Variants in RGPD1 observed in about 807,000 individuals in gnomAD.
RGPD1 encodes RANBP2-like and GRIP domain-containing protein 1.
Under a neutral mutation model 40.6 loss-of-function variants are expected in RGPD1, and 7 were observed. That is an observed-to-expected ratio of 0.17 (90% CI 0.10 to 0.32). The LOEUF is 0.32. RGPD1 is among the 10% of genes least tolerant of loss of function. The pLI is 1.00. For missense variants in RGPD1, 50 were observed against 472.5 expected (o/e 0.11, Z 8.29); for synonymous variants, 24 against 167.0 (o/e 0.14, Z 6.60).
At chr2:86,930,037 G>T (rs1286041705) in intron 1 of RGPD1, among the ~76,000 whole-genome samples, 2 of 143,842 alleles carry the variant, frequency 1.4e-5, no homozygotes, top group African/African-American at 5.0e-5. Flanking sequence ...TGGCAGGGTG[G>T]CACTAACCCT....
At chr2:86,939,687 G>A (rs1297549738), upstream of RGPD1, among the ~76,000 whole-genome samples, 1 of 129,154 alleles carries the variant, frequency 7.7e-6, no homozygotes, top group African/African-American at 3.0e-5. Context: ...TACTAGGTGA[G>A]TGTGTTTGGG....
At chr2:86,936,835 C>T (rs1018358655) in intron 1 of RGPD1, among the ~76,000 whole-genome samples, 1 of 144,244 alleles carries the variant, frequency 6.9e-6, no homozygotes, top group Non-Finnish European at 1.5e-5. Context: ...TCGAAATTCT[C>T]CATTTTATTT....
At position 86,942,302 on chromosome 2, in the gene RGPD1, T is replaced by G; in HGVS notation, c.66T>G (p.Pro22=). 2 of 1,585,632 alleles carry G rather than the reference T, an allele frequency of 1.3e-6. No homozygotes were observed. The highest frequency in any genetic ancestry group is 2.3e-5 in the South Asian group (2 of 87,916). Residue 22 remains proline (P), a synonymous_variant, in exon 1 of 23, where the codon CCT becomes CCG. Coordinates refer to ENST00000641458, the MANE Select transcript of RGPD1 (RefSeq NM_001382344.1). ...VASVQGSAPS[P]GKKLRGFYFA... ...CGGTGCAGGGCTCCGCCCCGTCGCC[T>G]GGAAAGGTGAGTGGATCTCGAAGAG...
chr2:86,936,857 A>AT lies in RGPD1; in HGVS notation c.73-14433dup, dbSNP rs973944042. 1.9e-4 allele frequency among the ~76,000 whole-genome samples: 28 copies of AT among 143,880 alleles called. 1 individual carries two copies. The highest frequency in any genetic ancestry group is 6.6e-4 in the African/African-American group (25 of 37,716). 94.4% of individuals were successfully genotyped at this position (143,880 alleles called of 152,430 possible). A position where few individuals can be genotyped will look rare whatever the true frequency, so the allele number is the denominator to read the frequency against. On this transcript the variant is annotated intron_variant, in intron 1 of 22. Transcript: ENST00000398193. Reference sequence around the variant, plus strand: ...TCTCCATTTTATTTTATTTTATTTTATTTTTTCTGCTTTTGTCACAAAAGC... The same window carrying AT: ...TCTCCATTTTATTTTATTTTATTTTATTTTTTTCTGCTTTTGTCACAAAAGC...
chr2:86,988,468 CAAAA>C (rs1208500939), intron 20 of RGPD1, among the ~76,000 whole-genome samples: 1 of 61,376 alleles, frequency 1.6e-5, no homozygotes, highest in Non-Finnish European at 3.5e-5. Context: ...AACAAAAAAA[CAAAA>C]AAAACCATGA....
intron 1 of RGPD1, among the ~76,000 whole-genome samples, chr2:86,945,645 C>A (rs981721449): frequency 6.6e-6 from 1 of 152,088 alleles, no homozygotes; most frequent in South Asian, 2.1e-4. Flanking sequence ...AAATATTCTT[C>A]GTCTGTAATC....
At chr2:86,923,182 G>A (rs1678159765) in intron 1 of RGPD1, among the ~76,000 whole-genome samples, 1 of 149,024 alleles carries the variant, frequency 6.7e-6, no homozygotes, top group Admixed American at 6.7e-5. Flanking sequence ...GGGATTACAG[G>A]CGCCCGCCAC....
At chr2:86,938,644 T>G (rs1251705750), upstream of RGPD1, among the ~76,000 whole-genome samples, 2 of 151,900 alleles carry the variant, frequency 1.3e-5, no homozygotes, top group African/African-American at 4.8e-5. Flanking sequence ...CCTTCATTAT[T>G]TTGTCATGCT....
At chr2:86,998,551 A>C (rs1292703403) in intron 22 of RGPD1, among the ~76,000 whole-genome samples, 3 of 98,590 alleles carry the variant, frequency 3.0e-5, no homozygotes, top group African/African-American at 7.9e-5. Flanking sequence ...AAAAAAAAAA[A>C]AAAAAAAAAA....
upstream of RGPD1, among the ~76,000 whole-genome samples, chr2:86,940,958 T>C (rs1015825705): frequency 1.4e-4 from 22 of 152,166 alleles, no homozygotes; most frequent in Non-Finnish European, 2.6e-4. Context: ...TTCTTTTCTT[T>C]TATTCACATC....
intron 1 of RGPD1, chr2:86,930,772 C>T (rs1678892657): frequency 6.3e-6 from 8 of 1,276,204 alleles, no homozygotes; most frequent in Non-Finnish European, 8.5e-6. Context: ...CCTACAGCCC[C>T]CTGAGGACCA....
chr2:86,920,004 TGAAG>T (rs1378847229), intron 1 of RGPD1, among the ~76,000 whole-genome samples: 2 of 151,896 alleles, frequency 1.3e-5, no homozygotes, highest in African/African-American at 4.8e-5. Flanking sequence ...TTTCAGCACA[TGAAG>T]GAATTGCTGT....
At position 86,936,069 on chromosome 2, in the gene RGPD1, A is replaced by G. The variant is rs1348187626; in HGVS notation, c.73-15227A>G. Among the ~76,000 whole-genome samples the G allele has an allele frequency of 1.5e-5, 2 of 133,080 alleles. 1 individual carries two copies. The highest frequency in any genetic ancestry group is 3.4e-5 in the Non-Finnish European group (2 of 59,536). The allele number at this position is 133,080 out of a possible 152,430, so 87.3% of individuals were successfully genotyped here. A position where few individuals can be genotyped will look rare whatever the true frequency, so the allele number is the denominator to read the frequency against. On this transcript the variant is annotated intron_variant, in intron 1 of 22. Coordinates refer to the RGPD1 transcript ENST00000398193. Reference sequence around the variant, plus strand: ...ACCCAGGCTGGAGGTGCAGTGGCGCAATCTCGGCTCACTGCAAGCTCCACC... The same window carrying G: ...ACCCAGGCTGGAGGTGCAGTGGCGCGATCTCGGCTCACTGCAAGCTCCACC...
chr2:86,941,773 C>T (rs1376333231), upstream of RGPD1, among the ~76,000 whole-genome samples: 4 of 149,998 alleles, frequency 2.7e-5, no homozygotes, highest in Non-Finnish European at 4.4e-5. Flanking sequence ...TGCAGTGGCG[C>T]GATCTCAGCT....
At chr2:86,924,582 C>A (rs1414782948) in intron 1 of RGPD1, among the ~76,000 whole-genome samples, 10 of 150,436 alleles carry the variant, frequency 6.6e-5, no homozygotes, top group Non-Finnish European at 3.0e-5. Context: ...CCTCCTACCT[C>A]AGCCTCCAAG....
intron 1 of RGPD1, among the ~76,000 whole-genome samples, chr2:86,918,596 A>G (rs867419839): frequency 9.5e-5 from 14 of 146,768 alleles, no homozygotes; most frequent in Non-Finnish European, 1.6e-4. Context: ...AGTAGCCGGG[A>G]CTACAGGCGC....
chr2:86,929,355 C>A (rs1449834497), intron 1 of RGPD1, among the ~76,000 whole-genome samples: 1 of 151,750 alleles, frequency 6.6e-6, no homozygotes, highest in Non-Finnish European at 1.5e-5. Flanking sequence ...TTCTCTTGTG[C>A]ATTGATGCCC....
rs534047805 is a variant in RGPD1, at chr2:86,919,387, C to T, written c.72+5466C>T. ...TGGCCAAAGTAATCCTGTTTGATAACGTCAGGTAGCGTTCGTCACGCCTCT... is the reference window on the plus strand; with the variant it reads ...TGGCCAAAGTAATCCTGTTTGATAATGTCAGGTAGCGTTCGTCACGCCTCT... On this transcript the variant is annotated intron_variant, in intron 1 of 22. Coordinates refer to the RGPD1 transcript ENST00000398193. 1.3e-3 allele frequency among the ~76,000 whole-genome samples: 185 copies of T among 147,958 alleles called. 14 individuals are homozygous for T. The highest frequency in any genetic ancestry group is 3.9e-3 in the African/African-American group (152 of 39,140).
Position 86,918,112 on chromosome 2 carries a change from A to G in RGPD1, c.72+4191A>G, listed in dbSNP as rs555861692. 5.3e-3 allele frequency among the ~76,000 whole-genome samples: 786 copies of G among 148,126 alleles called. 2 individuals carry two copies. The highest frequency in any genetic ancestry group is 0.018 in the South Asian group (84 of 4,568). ...TTGTCTTTTTACACACATATTGCTT[A>G]GGATGTGAAGAGGAAGGTTTGATTT... On this transcript the variant is annotated intron_variant, in intron 1 of 22. Transcript: ENST00000398193.
Sources: gnomAD v4.1 joint callset for allele counts (sites outside exome capture counted in the v4.1 genomes callset) on GRCh38, gnomAD v4.1.1 for gene constraint, MANE v1.5 for transcripts, NCBI Gene and HGNC (gene_info 2026-07-23, HGNC 2026-07-21) for gene names.